The following CCDC148 variants were observed in gnomAD, a reference collection of about 807,000 sequenced individuals.
The protein encoded by CCDC148 is coiled-coil domain containing 148.
Under a neutral mutation model 85.7 loss-of-function variants are expected in CCDC148, and 89 were observed. The ratio of observed to expected loss-of-function variants is 1.04; its 90% CI spans 0.87 to 1.24. The LOEUF (loss-of-function observed/expected upper bound fraction) is 1.24. Among genes scored for constraint, CCDC148 ranks in the 50% most tolerant of loss-of-function variants. The pLI, the probability that CCDC148 is intolerant of heterozygous loss-of-function variation, is 0.00. For synonymous variants in CCDC148, 230 were observed against 213.9 expected (o/e 1.08, Z -0.66); for missense variants, 692 against 671.7 (o/e 1.03, Z -0.33).
chr2:158,280,453 CA>C (rs1275577032), intron 9 of CCDC148, among the ~76,000 whole-genome samples: 1 of 151,622 alleles, frequency 6.6e-6, no homozygotes, highest in Non-Finnish European at 1.5e-5. Context: ...AAATGGAAAA[CA>C]AAAAAAGGCA....
intron 1 of CCDC148, among the ~76,000 whole-genome samples, chr2:158,363,860 C>G (rs1009100205): frequency 6.6e-6 from 1 of 152,058 alleles, no homozygotes; most frequent in East Asian, 1.9e-4. Flanking sequence ...AATAGGAACA[C>G]AGAAAGTTAA....
intron 1 of CCDC148, among the ~76,000 whole-genome samples, chr2:158,429,542 T>C (rs765859253): frequency 3.9e-5 from 6 of 152,084 alleles, no homozygotes; most frequent in South Asian, 2.1e-4. Flanking sequence ...TAGGAACTAG[T>C]GGAAGAGAAC....
rs1477652826 is a variant in CCDC148, at chr2:158,171,546, T to C, written c.*567A>G. 2.0e-5 allele frequency: 3 copies of C among 151,978 alleles called. No individual in the cohort carries two copies. Among genetic ancestry groups the C allele is most frequent in the Admixed American group, 1.3e-4 (2 of 15,210 alleles). 9.4% of individuals were successfully genotyped at this position (151,978 alleles called of 1,614,324 possible). ...ATATTCCCATGCTTGAAATGCTATTTCTAATTTCTAATTTATTCTTAAGGG... is the reference window on the plus strand; with the variant it reads ...ATATTCCCATGCTTGAAATGCTATTCCTAATTTCTAATTTATTCTTAAGGG... On this transcript the variant is annotated 3_prime_UTR_variant, in exon 14 of 14. Coordinates refer to ENST00000283233, the MANE Select transcript of CCDC148 (RefSeq NM_138803.4).
Position 158,223,402 on chromosome 2 carries a change from T to C in CCDC148, c.1252-2689A>G, listed in dbSNP as rs563529575. Among the ~76,000 whole-genome samples, 5 of 152,302 alleles carry C rather than the reference T, an allele frequency of 3.3e-5. No homozygotes were observed. The South Asian group carries it at 6.2e-4, about 19-fold the overall frequency. ...TAGACTCCACTCTAGGGGCAGGGCA[T>C]TGCCAAACAAAAGGCAGCAGAAACC... On this transcript the variant is annotated intron_variant, in intron 10 of 13. Transcript: ENST00000283233.
At chr2:158,355,125 C>T (rs1412370036) in intron 2 of CCDC148, among the ~76,000 whole-genome samples, 1 of 151,180 alleles carries the variant, frequency 6.6e-6, no homozygotes, top group Non-Finnish European at 1.5e-5. Context: ...CAATATCATA[C>T]TGAATGGGCA....
At chr2:158,389,394 T>C (rs906388429) in intron 1 of CCDC148, among the ~76,000 whole-genome samples, 1 of 152,202 alleles carries the variant, frequency 6.6e-6, no homozygotes, top group Admixed American at 6.5e-5. Flanking sequence ...ATGAAGTTTA[T>C]GTATGACAGA....
chr2:158,325,553 G>A (rs1214678409), intron 7 of CCDC148, among the ~76,000 whole-genome samples: 1 of 152,044 alleles, frequency 6.6e-6, no homozygotes, highest in Non-Finnish European at 1.5e-5. Flanking sequence ...TCATGCTAAT[G>A]ACTCATATCC....
chr2:158,261,438 C>T (rs75031698), intron 9 of CCDC148, among the ~76,000 whole-genome samples: 1 of 152,042 alleles, frequency 6.6e-6, no homozygotes, highest in South Asian at 2.1e-4. Flanking sequence ...CTAGGCAATA[C>T]CATCCTGCAC....
intron 1 of CCDC148, among the ~76,000 whole-genome samples, chr2:158,414,186 A>G (rs1383335975): frequency 1.3e-5 from 2 of 152,252 alleles, no homozygotes; most frequent in African/African-American, 4.8e-5. Context: ...TGTGTTAGGC[A>G]TAAAATCTAA....
chr2:158,387,983 C>A (rs1685159663), intron 1 of CCDC148, among the ~76,000 whole-genome samples: 1 of 152,166 alleles, frequency 6.6e-6, no homozygotes, highest in Admixed American at 6.5e-5. Flanking sequence ...GTGTAGAGAC[C>A]AGCACTGTTC....
intron 11 of CCDC148, among the ~76,000 whole-genome samples, chr2:158,195,962 T>C (rs1685649062): frequency 6.6e-6 from 1 of 152,072 alleles, no homozygotes; most frequent in African/African-American, 2.4e-5. Flanking sequence ...GGCAATTCCA[T>C]AGCAATCCAT....
intron 1 of CCDC148, among the ~76,000 whole-genome samples, chr2:158,391,346 C>T (rs1456398315): frequency 6.6e-6 from 1 of 152,158 alleles, no homozygotes; most frequent in Non-Finnish European, 1.5e-5. Context: ...TATATTACTA[C>T]TCCTAAACCA....
rs961472409 is a variant in CCDC148 at position 158,352,666 on chromosome 2, A to G, written c.147+5783T>C. Among the ~76,000 whole-genome samples, 7 of 152,170 alleles carry G rather than the reference A, an allele frequency of 4.6e-5. 1 individual carries two copies. Among genetic ancestry groups the G allele is most frequent in the Admixed American group, 3.9e-4 (6 of 15,280 alleles). ...GAAAACAGTCTTCAGGATATTATCC[A>G]GGAGAACTTCCCCAATCTAGCAAGG... is the stretch of plus-strand genomic sequence containing the variant. On this transcript the variant is annotated intron_variant, in intron 2 of 13. Coordinates refer to ENST00000283233, the MANE Select transcript of CCDC148 (RefSeq NM_138803.4).
chr2:158,276,415 C>A (rs1376553258), intron 9 of CCDC148, among the ~76,000 whole-genome samples: 1 of 152,018 alleles, frequency 6.6e-6, no homozygotes, highest in Non-Finnish European at 1.5e-5. Flanking sequence ...GCCTGGGAGA[C>A]AAAGTGAGAC....
intron 9 of CCDC148, among the ~76,000 whole-genome samples, chr2:158,298,311 A>G (rs1691289110): frequency 6.7e-6 from 1 of 149,614 alleles, no homozygotes. Context: ...TTTGACTGTC[A>G]AGTGCCTAGG....
At chr2:158,273,197 T>C (rs572052753) in intron 9 of CCDC148, among the ~76,000 whole-genome samples, 56 of 152,286 alleles carry the variant, frequency 3.7e-4, no homozygotes, top group Middle Eastern at 3.4e-3. Context: ...ACAGACCTGA[T>C]ACAGAAGGCA....
At chr2:158,451,629 T>C (rs1475530452) in intron 1 of CCDC148, among the ~76,000 whole-genome samples, 7 of 152,162 alleles carry the variant, frequency 4.6e-5, no homozygotes, top group African/African-American at 1.4e-4. Flanking sequence ...AAAGTTCTCT[T>C]ATCTTCAACT....
chr2:158,265,318 T>C (rs1574504836), intron 9 of CCDC148, among the ~76,000 whole-genome samples: 1 of 152,126 alleles, frequency 6.6e-6, no homozygotes, highest in Non-Finnish European at 1.5e-5. Flanking sequence ...AACCAACCAA[T>C]AATCCTATAC....
chr2:158,419,344 G>C (rs1230302254), intron 1 of CCDC148, among the ~76,000 whole-genome samples: 1 of 152,078 alleles, frequency 6.6e-6, no homozygotes, highest in Non-Finnish European at 1.5e-5. Flanking sequence ...TTTTTTACAA[G>C]ATAATTTTGT....
Sources: allele counts gnomAD v4.1 joint callset (sites outside exome capture counted in the v4.1 genomes callset), GRCh38; gene constraint gnomAD v4.1.1; transcripts MANE v1.5; gene names NCBI Gene and HGNC (gene_info 2026-07-23, HGNC 2026-07-21).